C1QTNF1: variants seen among roughly 807,000 people sequenced by gnomAD.
C1QTNF1 encodes complement C1q tumor necrosis factor-related protein 1.
C1QTNF1 carries 22 observed loss-of-function variants against 27.8 expected under a neutral mutation model. The ratio of observed to expected loss-of-function variants is 0.79; its 90% CI spans 0.56 to 1.13. The LOEUF (loss-of-function observed/expected upper bound fraction) is 1.13. C1QTNF1 is among the 50% of genes most tolerant of loss of function. C1QTNF1 has a pLI of 0.00. For missense variants in C1QTNF1, 373 were observed against 380.2 expected (o/e 0.98, Z 0.16); for synonymous variants, 166 against 154.3 (o/e 1.08, Z -0.56).
rs142402440 is a variant in C1QTNF1, at chr17:79,033,151, C to T, written c.-15+8657C>T. 7.3e-4 allele frequency among the ~76,000 whole-genome samples: 111 copies of T among 151,840 alleles called. 1 individual carries two copies. Among genetic ancestry groups the T allele is most frequent in the African/African-American group, 2.6e-3 (107 of 41,384 alleles). Reference sequence around the variant, plus strand: ...GATTGCATATGTGGGTCTAGACCAGCGCTGCCCAGCAGAACCTTCAGCTGT... The same window carrying T: ...GATTGCATATGTGGGTCTAGACCAGTGCTGCCCAGCAGAACCTTCAGCTGT... On this transcript the variant is annotated intron_variant, in intron 1 of 3. Transcript: ENST00000579760.
At position 79,029,653 on chromosome 17, in the gene C1QTNF1, G is replaced by A. The variant is rs189007652; in HGVS notation, c.-15+5159G>A. 2.1e-3 allele frequency among the ~76,000 whole-genome samples: 313 copies of A among 152,324 alleles called. 3 individuals carry two copies. The highest frequency in any genetic ancestry group is 0.018 in the Admixed American group (274 of 15,306). ...AGGATGGGCTGCAGGACGGGGCTCC[G>A]TTTCCTTCTGTTTCACGGCTGCAGG... On this transcript the variant is annotated intron_variant, in intron 1 of 3. Transcript: ENST00000579760.
rs896448636 is a variant in C1QTNF1 at position 79,043,581 on chromosome 17, G to A, written c.-14-374G>A. 27 of 440,554 alleles carry A rather than the reference G, an allele frequency of 6.1e-5. No individual in the cohort carries two copies. The Admixed American group carries it at 6.4e-4, about 11-fold the overall frequency. 27.3% of individuals were successfully genotyped at this position (440,554 alleles called of 1,614,324 possible). ...TGTGTATTGTGTGTACATGTGTGTG[G>A]ATTACATGTGTGTGGATTGCATGTG... On this transcript the variant is annotated intron_variant, in intron 1 of 3. Coordinates refer to ENST00000579760, the MANE Select transcript of C1QTNF1 (RefSeq NM_030968.5).
At chr17:79,042,911 G>T (rs1375078152) in intron 1 of C1QTNF1, among the ~76,000 whole-genome samples, 1 of 152,192 alleles carries the variant, frequency 6.6e-6, no homozygotes, top group Non-Finnish European at 1.5e-5. Flanking sequence ...AGAGTATGCG[G>T]GCGTGCACGT....
chr17:79,042,828 C>T (rs56082922), intron 1 of C1QTNF1, among the ~76,000 whole-genome samples: 28,146 of 152,180 alleles, frequency 0.18, 3,735 homozygotes, highest in African/African-American at 0.38. Flanking sequence ...AGAGTGTGTG[C>T]GCACATGTGA....
chr17:79,043,851 G>A lies in C1QTNF1; in HGVS notation c.-14-104G>A, dbSNP rs754836112. On this transcript the variant is annotated intron_variant, in intron 1 of 3. Coordinates refer to ENST00000579760, the MANE Select transcript of C1QTNF1 (RefSeq NM_030968.5). ...TTCCCAGTGGCGTGAGGCTGGGGAAGCACCTCCGATTTCCAGGCTGTTTCT... is the reference window on the plus strand; with the variant it reads ...TTCCCAGTGGCGTGAGGCTGGGGAAACACCTCCGATTTCCAGGCTGTTTCT... The A allele has an allele frequency of 4.7e-6, 6 of 1,272,786 alleles. No individual in the cohort carries two copies. In the South Asian group the frequency reaches 7.2e-5, roughly 15 times the overall value. 78.8% of individuals were successfully genotyped at this position (1,272,786 alleles called of 1,614,324 possible). A position where few individuals can be genotyped will look rare whatever the true frequency, so the allele number is the denominator to read the frequency against.
intron 1 of C1QTNF1, among the ~76,000 whole-genome samples, chr17:79,033,872 G>A (rs1758906984): frequency 6.6e-6 from 1 of 152,210 alleles, no homozygotes; most frequent in African/African-American, 2.4e-5. Flanking sequence ...ATTGGCAGAT[G>A]CTTACAGTGC....
At chr17:79,037,105 T>C (rs554923512) in intron 1 of C1QTNF1, among the ~76,000 whole-genome samples, 3 of 152,290 alleles carry the variant, frequency 2.0e-5, no homozygotes, top group Non-Finnish European at 2.9e-5. Flanking sequence ...TGTTTATTTA[T>C]TCACCATGCC....
chr17:79,043,098 A>G (rs2072459660), intron 1 of C1QTNF1, among the ~76,000 whole-genome samples: 1 of 148,548 alleles, frequency 6.7e-6, no homozygotes, highest in South Asian at 2.1e-4. Context: ...ATGTGTGTGC[A>G]TGTGTGCATG....
At chr17:79,042,632 G>A (rs559810975) in intron 1 of C1QTNF1, among the ~76,000 whole-genome samples, 1 of 152,370 alleles carries the variant, frequency 6.6e-6, no homozygotes, top group South Asian at 2.1e-4. Flanking sequence ...TTTGCTTTGA[G>A]TTAAGGGATG....
At chr17:79,044,754 G>T (rs780111153) in intron 2 of C1QTNF1, among the ~76,000 whole-genome samples, 34 of 152,222 alleles carry the variant, frequency 2.2e-4, no homozygotes, top group Non-Finnish European at 4.3e-4. Flanking sequence ...TGTACCCAGA[G>T]TGAGGTCCTG....
At chr17:79,039,269 T>C (rs2072338795) in intron 1 of C1QTNF1, among the ~76,000 whole-genome samples, 1 of 152,194 alleles carries the variant, frequency 6.6e-6, no homozygotes, top group Non-Finnish European at 1.5e-5. Flanking sequence ...TGGCATCTGG[T>C]GGGGACAGTC....
At chr17:79,027,107 A>C (rs540226015) in intron 1 of C1QTNF1, among the ~76,000 whole-genome samples, 1 of 151,540 alleles carries the variant, frequency 6.6e-6, no homozygotes, top group African/African-American at 2.4e-5. Flanking sequence ...CTGAGGCTCC[A>C]GAACCTTAGG....
intron 1 of C1QTNF1, among the ~76,000 whole-genome samples, chr17:79,037,652 C>T (rs1024915537): frequency 2.0e-5 from 3 of 152,128 alleles, no homozygotes; most frequent in Non-Finnish European, 4.4e-5. Flanking sequence ...AGCTAAGAGG[C>T]CTGTGGAGGG....
intron 1 of C1QTNF1, among the ~76,000 whole-genome samples, chr17:79,042,155 T>G (rs991099930): frequency 9.2e-5 from 14 of 152,222 alleles, no homozygotes; most frequent in Non-Finnish European, 1.8e-4. Flanking sequence ...GTTTTACATT[T>G]TGGTGAACAA....
chr17:79,048,223 C>A lies in C1QTNF1; in HGVS notation c.*135C>A. The A allele has an allele frequency of 2.3e-6, 2 of 880,948 alleles. No homozygotes were observed. The highest frequency in any genetic ancestry group is 3.3e-6 in the Non-Finnish European group (2 of 602,296). 54.6% of individuals were successfully genotyped at this position (880,948 alleles called of 1,614,324 possible). On this transcript the variant is annotated 3_prime_UTR_variant, in exon 4 of 4. Transcript: ENST00000579760. Reference sequence around the variant, plus strand: ...GAGACGCCCTGCACACACAGAAAGCCAAAGCGATCGGTGCTCCCAGATCCC... The same window carrying A: ...GAGACGCCCTGCACACACAGAAAGCAAAAGCGATCGGTGCTCCCAGATCCC...
chr17:79,039,514 G>A (rs1242860603), intron 1 of C1QTNF1, among the ~76,000 whole-genome samples: 1 of 152,188 alleles, frequency 6.6e-6, no homozygotes, highest in Non-Finnish European at 1.5e-5. Flanking sequence ...TTAGCCGGGT[G>A]TGGAGGCACA....
chr17:79,027,865 A>G (rs956104314), intron 1 of C1QTNF1, among the ~76,000 whole-genome samples: 5 of 152,294 alleles, frequency 3.3e-5, no homozygotes, highest in African/African-American at 4.8e-5. Context: ...ATGTGGTTCA[A>G]AGGGGGATGG....
chr17:79,029,698 A>C (rs1016502404), intron 1 of C1QTNF1, among the ~76,000 whole-genome samples: 3 of 152,202 alleles, frequency 2.0e-5, no homozygotes, highest in African/African-American at 7.2e-5. Context: ...CTACTCAGGC[A>C]GCCTCCTTCA....
In C1QTNF1 at chr17:79,046,622, C is replaced by T. The variant is rs148895244; in HGVS notation, c.223C>T (p.Arg75Cys). ...GGGGCTCCCTGCTTCCCGGTGCTTGCGCTGCTGTGACCCCGGTACCTCCAT... is the reference window on the plus strand; with the variant it reads ...GGGGCTCCCTGCTTCCCGGTGCTTGTGCTGCTGTGACCCCGGTACCTCCAT... ...DQGLPASRCL[R>C]CCDPGTSMYP... Residue 75 changes from arginine (R) to cysteine (C), a missense_variant, in exon 3 of 4, where the codon CGC becomes TGC. Arg to Cys is a radical substitution (Grantham distance 180). Transcript: ENST00000579760. This position sits in a 1 kb window ranked among gnomAD's most constrained non-coding sequence, Gnocchi z 4.8. 104 of 1,614,110 alleles carry T rather than the reference C, an allele frequency of 6.4e-5. No homozygotes were observed. The highest frequency in any genetic ancestry group is 1.8e-4 in the Admixed American group (11 of 60,012).
Sources: gnomAD v4.1 joint callset for allele counts (sites outside exome capture counted in the v4.1 genomes callset) on GRCh38, gnomAD v4.1.1 for gene constraint, Gnocchi (gnomAD v3.1) non-coding constraint, MANE v1.5 for transcripts, NCBI Gene and HGNC (gene_info 2026-07-23, HGNC 2026-07-21) for gene names.